Variants in MYO3B observed in about 807,000 individuals in gnomAD.
The protein encoded by MYO3B is myosin IIIB.
In MYO3B, 156 loss-of-function variants were observed where a neutral mutation model predicts 174.6. The ratio of observed to expected loss-of-function variants is 0.89; its 90% CI spans 0.78 to 1.02. The LOEUF (loss-of-function observed/expected upper bound fraction) is 1.02, where lower values mean the gene tolerates loss of function less well. Among genes scored for constraint, MYO3B ranks in the 50% least tolerant of loss-of-function variants. MYO3B has a pLI of 0.00. For synonymous variants in MYO3B, 563 were observed against 569.1 expected (o/e 0.99, Z 0.15); for missense variants, 1,632 against 1,639.4 (o/e 1.00, Z 0.08).
intron 32 of MYO3B, among the ~76,000 whole-genome samples, chr2:170,552,864 A>G (rs182254854): frequency 7.1e-4 from 108 of 152,290 alleles, no homozygotes; most frequent in African/African-American, 2.5e-3. Flanking sequence ...TGCTCTGTGC[A>G]GCCTCAGGAC....
chr2:170,325,643 T>C lies in MYO3B; in HGVS notation c.750-9742T>C, dbSNP rs372316775. Among the ~76,000 whole-genome samples, 10 of 152,334 alleles carry C rather than the reference T, an allele frequency of 6.6e-5. No homozygotes were observed. In the South Asian group the frequency reaches 1.2e-3, roughly 19 times the overall value. On this transcript the variant is annotated intron_variant, in intron 7 of 34. Coordinates refer to ENST00000408978, the MANE Select transcript of MYO3B (RefSeq NM_138995.5). ...GCAGATGGTGAGTTTGGGGAGGAAC[T>C]GGTCGTGCATGGTCCTGCTCTTTCC...
At chr2:170,589,338 C>A (rs1319936797) in intron 32 of MYO3B, among the ~76,000 whole-genome samples, 2 of 152,140 alleles carry the variant, frequency 1.3e-5, no homozygotes, top group Non-Finnish European at 2.9e-5. Flanking sequence ...AAGAGTGACA[C>A]CACCTCCTCA....
intron 29 of MYO3B, among the ~76,000 whole-genome samples, chr2:170,516,600 G>A (rs770276763): frequency 5.4e-5 from 8 of 147,698 alleles, no homozygotes; most frequent in South Asian, 2.1e-4. Flanking sequence ...CCGAGATCGC[G>A]CCACTGAACT....
chr2:170,326,221 G>A (rs1004968625), intron 7 of MYO3B, among the ~76,000 whole-genome samples: 26 of 151,162 alleles, frequency 1.7e-4, no homozygotes, highest in African/African-American at 5.6e-4. Context: ...CCTTCAAAGA[G>A]CACACTTCCA....
chr2:170,608,990 G>A (rs57849732), intron 32 of MYO3B, among the ~76,000 whole-genome samples: 15,072 of 152,202 alleles, frequency 0.099, 2,455 homozygotes, highest in African/African-American at 0.34. Flanking sequence ...CAAAGAACAA[G>A]TTAACATGTT....
At chr2:170,181,131 C>T (rs1458303741) in intron 1 of MYO3B, among the ~76,000 whole-genome samples, 1 of 152,094 alleles carries the variant, frequency 6.6e-6, no homozygotes, top group Non-Finnish European at 1.5e-5. Context: ...TTAGCTCTTA[C>T]ATCTGTTTAA....
intron 8 of MYO3B, among the ~76,000 whole-genome samples, chr2:170,364,774 C>G (rs1249918860): frequency 8.5e-5 from 13 of 152,128 alleles, no homozygotes; most frequent in Admixed American, 1.3e-4. Context: ...AAATGACAAG[C>G]CGACAAACTT....
At chr2:170,313,850 T>C (rs1278839858) in intron 7 of MYO3B, among the ~76,000 whole-genome samples, 1 of 151,826 alleles carries the variant, frequency 6.6e-6, no homozygotes, top group African/African-American at 2.4e-5. Flanking sequence ...TAGTAGCGGG[T>C]GAAACACACA....
At chr2:170,281,819 C>T (rs997863207) in intron 7 of MYO3B, among the ~76,000 whole-genome samples, 3 of 152,070 alleles carry the variant, frequency 2.0e-5, no homozygotes, top group Non-Finnish European at 4.4e-5. Context: ...AGATAGGCCA[C>T]TAGCTAGACT....
At chr2:170,433,615 T>G in intron 22 of MYO3B, among the ~76,000 whole-genome samples, 1 of 152,128 alleles carries the variant, frequency 6.6e-6, no homozygotes, top group East Asian at 1.9e-4. Flanking sequence ...TTTTGTGGGG[T>G]TTTTAGAAAG....
intron 32 of MYO3B, among the ~76,000 whole-genome samples, chr2:170,588,606 A>G (rs1228508262): frequency 1.3e-5 from 2 of 152,206 alleles, no homozygotes; most frequent in Non-Finnish European, 2.9e-5. Flanking sequence ...TGATGCTCCC[A>G]CACAGTCTTC....
chr2:170,651,354 C>T (rs1698999707), intron 32 of MYO3B, among the ~76,000 whole-genome samples: 1 of 152,182 alleles, frequency 6.6e-6, no homozygotes, highest in Admixed American at 6.5e-5. Context: ...TATACTTCAC[C>T]AATGTGGAAA....
chr2:170,619,164 AC>A (rs1695670924), intron 32 of MYO3B, among the ~76,000 whole-genome samples: 1 of 151,858 alleles, frequency 6.6e-6, no homozygotes, highest in South Asian at 2.1e-4. Context: ...CAGGCGCCCC[AC>A]CCCCATGCAT....
chr2:170,482,159 CTT>C (rs571671660), intron 25 of MYO3B, among the ~76,000 whole-genome samples: 41 of 143,668 alleles, frequency 2.9e-4, no homozygotes, highest in Non-Finnish European at 3.1e-4. Flanking sequence ...AGTTCTCTCT[CTT>C]TTTTTTTTTT....
In MYO3B at chr2:170,191,715, G is replaced by A. The variant is rs146512773; in HGVS notation, c.3-7493G>A. Among the ~76,000 whole-genome samples the A allele has an allele frequency of 9.3e-4, 142 of 152,268 alleles. 1 individual carries two copies. The East Asian group carries it at 0.026, about 28-fold the overall frequency. On this transcript the variant is annotated intron_variant, in intron 1 of 34. Transcript: ENST00000408978. Reference sequence around the variant, plus strand: ...CTGTGGCTGGGAGATTGGGGGAAGGGTGGCATCAGCAATTCAAGATTGTCT... The same window carrying A: ...CTGTGGCTGGGAGATTGGGGGAAGGATGGCATCAGCAATTCAAGATTGTCT...
intron 23 of MYO3B, among the ~76,000 whole-genome samples, chr2:170,460,166 G>A (rs1015096877): frequency 3.3e-5 from 5 of 151,736 alleles, no homozygotes; most frequent in Admixed American, 1.3e-4. Flanking sequence ...CTGCTAGCAC[G>A]GGCTGCTAGC....
intron 7 of MYO3B, among the ~76,000 whole-genome samples, chr2:170,247,046 C>T (rs1030454415): frequency 5.3e-5 from 8 of 152,292 alleles, no homozygotes; most frequent in East Asian, 3.9e-4. Flanking sequence ...AGAGATTCTT[C>T]CTCTCCCTTG....
At chr2:170,522,289 A>G (rs1281050044) in intron 30 of MYO3B, among the ~76,000 whole-genome samples, 1 of 152,102 alleles carries the variant, frequency 6.6e-6, no homozygotes, top group Non-Finnish European at 1.5e-5. Flanking sequence ...CAAGACTTCA[A>G]CAGAAAAGCC....
intron 23 of MYO3B, among the ~76,000 whole-genome samples, chr2:170,453,252 C>T (rs1237758521): frequency 6.6e-6 from 1 of 152,154 alleles, no homozygotes; most frequent in East Asian, 1.9e-4. Flanking sequence ...CCACAGCCCA[C>T]GTTCTATCCT....
Sources: gnomAD v4.1 joint callset for allele counts (sites outside exome capture counted in the v4.1 genomes callset) on GRCh38, gnomAD v4.1.1 for gene constraint, MANE v1.5 for transcripts, NCBI Gene and HGNC (gene_info 2026-07-23, HGNC 2026-07-21) for gene names.